Variants in AGTPBP1 observed in about 807,000 individuals in gnomAD.
AGTPBP1 encodes the protein cytosolic carboxypeptidase 1.
AGTPBP1 carries 70 observed loss-of-function variants against 143.9 expected under a neutral mutation model. The ratio of observed to expected loss-of-function variants is 0.49; its 90% CI spans 0.40 to 0.59. The LOEUF (loss-of-function observed/expected upper bound fraction) is 0.59. Ranked by LOEUF, AGTPBP1 falls within the 20% of genes least tolerant of loss-of-function variation. AGTPBP1 has a pLI of 0.00. For missense variants in AGTPBP1, 1,229 were observed against 1,464.5 expected, an observed-to-expected ratio of 0.84 and a Z score of 2.62; for synonymous variants, 463 against 500.2, an observed-to-expected ratio of 0.93 and a Z score of 0.99.
chr9:85,741,965 C>A (rs994211789), upstream of AGTPBP1: 18 of 1,247,642 alleles, frequency 1.4e-5, no homozygotes, highest in African/African-American at 1.6e-5. Context: ...GTCCGCATCC[C>A]GGGCAACGTC....
chr9:85,771,035 C>T, the AGTPBP1 span, among the ~76,000 whole-genome samples: 1 of 152,104 alleles, frequency 6.6e-6, no homozygotes, highest in Non-Finnish European at 1.5e-5. Flanking sequence ...TTTACTGATC[C>T]AGAGATGTTT....
At chr9:85,734,964 G>A (rs535424885) in intron 1 of AGTPBP1, among the ~76,000 whole-genome samples, 84 of 152,218 alleles carry the variant, frequency 5.5e-4, no homozygotes, top group Middle Eastern at 3.4e-3. Context: ...TGAACCCAGA[G>A]GCAAAGGTTG....
chr9:85,681,143 G>A lies in AGTPBP1; in HGVS notation c.225+125C>T, dbSNP rs1177442410. ...CTAAAACAAAAATTATTACATATACGTGTGTGTGTATATATGTACGTGTGT... is the reference window on the plus strand; with the variant it reads ...CTAAAACAAAAATTATTACATATACATGTGTGTGTATATATGTACGTGTGT... On this transcript the variant is annotated intron_variant, in intron 4 of 25. Coordinates refer to ENST00000357081, the MANE Select transcript of AGTPBP1 (RefSeq NM_001330701.2). 3.9e-5 allele frequency: 31 copies of A among 791,496 alleles called. No individual in the cohort carries two copies. The Admixed American group carries it at 5.7e-4, about 14-fold the overall frequency. The allele number at this position is 791,496 out of a possible 1,614,324, so 49.0% of individuals were successfully genotyped here.
intron 1 of AGTPBP1, among the ~76,000 whole-genome samples, chr9:85,730,606 G>T (rs1838812628): frequency 6.6e-6 from 1 of 152,090 alleles, no homozygotes; most frequent in African/African-American, 2.4e-5. Context: ...AGCATTCCCT[G>T]GTACCCTAAG....
intron 4 of AGTPBP1, among the ~76,000 whole-genome samples, chr9:85,679,536 C>T (rs149428352): frequency 0.017 from 2,546 of 152,136 alleles, 26 homozygotes; most frequent in Middle Eastern, 0.054. Context: ...GCCTCCCAAG[C>T]AGCTGGGACT....
In AGTPBP1 at chr9:85,616,895, T is replaced by C. The variant is rs76666718; in HGVS notation, c.2335+2088A>G. Among the ~76,000 whole-genome samples the C allele has an allele frequency of 3.2e-3, 480 of 152,146 alleles. 16 individuals are homozygous for C. The East Asian group carries it at 0.08, about 25-fold the overall frequency. The stretch of plus-strand genomic sequence containing the variant: ...TCCTATCACTATTCACATAAATCAA[T>C]ATACTTGCTGAACTTTTAGTCAAAA... On this transcript the variant is annotated intron_variant, in intron 17 of 25. Coordinates refer to ENST00000357081, the MANE Select transcript of AGTPBP1 (RefSeq NM_001330701.2).
intron 11 of AGTPBP1, among the ~76,000 whole-genome samples, chr9:85,647,232 G>A (rs184244639): frequency 1.5e-3 from 233 of 152,256 alleles, no homozygotes; most frequent in Non-Finnish European, 2.7e-3. Flanking sequence ...AGCCAAGATC[G>A]CGCCATTGCA....
intron 14 of AGTPBP1, among the ~76,000 whole-genome samples, chr9:85,628,063 C>T (rs1004586406): frequency 4.6e-5 from 7 of 152,134 alleles, no homozygotes; most frequent in Admixed American, 3.9e-4. Flanking sequence ...AGGGGAAAGG[C>T]AATAACTTTC....
chr9:85,737,676 C>A (rs569679704), intron 1 of AGTPBP1, among the ~76,000 whole-genome samples: 32 of 152,274 alleles, frequency 2.1e-4, no homozygotes, highest in African/African-American at 7.7e-4. Flanking sequence ...AATGATGTTA[C>A]AATCTCAGGA....
Position 85,632,977 on chromosome 9 carries a change from C to T in AGTPBP1, c.1700G>A (p.Cys567Tyr). The T allele has an allele frequency of 6.2e-7, 1 of 1,614,098 alleles. No homozygotes were observed. The highest frequency in any genetic ancestry group is 1.1e-5 in the South Asian group (1 of 91,074). Residue 567 changes from cysteine (C) to tyrosine (Y), a missense_variant, in exon 14 of 26, where the codon TGT becomes TAT. Transcript: ENST00000357081. ...DCSLPLTVLTCAKACPHMATC... is the reference protein window; with the variant it reads ...DCSLPLTVLTYAKACPHMATC... ...AGCCATGTGTGGACATGCTTTAGCA[C>T]AGGTAAGGACAGTAAGAGGAAGACT...
At chr9:85,674,145 T>C (rs943805024) in intron 6 of AGTPBP1, among the ~76,000 whole-genome samples, 1 of 148,214 alleles carries the variant, frequency 6.7e-6, no homozygotes, top group African/African-American at 2.5e-5. Flanking sequence ...AAAAAAGACT[T>C]AAACAAAGTA....
At chr9:85,721,175 A>G (rs556705778) in intron 1 of AGTPBP1, among the ~76,000 whole-genome samples, 5 of 152,358 alleles carry the variant, frequency 3.3e-5, no homozygotes, top group South Asian at 4.1e-4. Flanking sequence ...GTAGATGTCT[A>G]TTAGGTCCAC....
intron 3 of AGTPBP1, among the ~76,000 whole-genome samples, chr9:85,687,744 A>G (rs1835570750): frequency 6.6e-6 from 1 of 152,174 alleles, no homozygotes; most frequent in African/African-American, 2.4e-5. Flanking sequence ...ATGGCTTTGA[A>G]TGCCTCCAGT....
At chr9:85,715,520 G>A (rs887204914) in intron 1 of AGTPBP1, among the ~76,000 whole-genome samples, 8 of 152,140 alleles carry the variant, frequency 5.3e-5, no homozygotes, top group African/African-American at 1.7e-4. Flanking sequence ...CCCTACCACT[G>A]TGGAACATGC....
At chr9:85,644,319 A>T (rs866382294) in intron 12 of AGTPBP1, among the ~76,000 whole-genome samples, 26 of 151,920 alleles carry the variant, frequency 1.7e-4, no homozygotes, top group African/African-American at 5.6e-4. Flanking sequence ...AGAATACATA[A>T]TGTTTCTAAA....
At chr9:85,648,588 G>A (rs577234826) in intron 11 of AGTPBP1, among the ~76,000 whole-genome samples, 6 of 152,246 alleles carry the variant, frequency 3.9e-5, no homozygotes, top group South Asian at 2.1e-4. Context: ...CGAGACGGGC[G>A]GATCACGAGG....
intron 18 of AGTPBP1, among the ~76,000 whole-genome samples, chr9:85,593,570 G>T (rs564950558): frequency 3.9e-5 from 6 of 152,282 alleles, no homozygotes; most frequent in African/African-American, 1.4e-4. Flanking sequence ...TAATCGCATT[G>T]TAGTTAAGAT....
the AGTPBP1 span, among the ~76,000 whole-genome samples, chr9:85,754,052 T>A: frequency 6.6e-6 from 1 of 152,228 alleles, no homozygotes; most frequent in African/African-American, 2.4e-5. Context: ...AGAAATGTGC[T>A]GTATTTTTTG....
chr9:85,588,251 C>A, intron 21 of AGTPBP1, 47 bp downstream of exon 21: 1 of 1,468,830 alleles, frequency 6.8e-7, no homozygotes, highest in South Asian at 1.4e-5. Context: ...TTATACAGGA[C>A]AACCACAATG....
Sources: allele counts gnomAD v4.1 joint callset (sites outside exome capture counted in the v4.1 genomes callset), GRCh38; gene constraint gnomAD v4.1.1; transcripts MANE v1.5; gene names NCBI Gene and HGNC (gene_info 2026-07-23, HGNC 2026-07-21).